FAR2: variants seen among roughly 807,000 people sequenced by gnomAD.
FAR2 encodes the protein epididymis secretory protein Li 81.
FAR2 carries 19 observed loss-of-function variants against 56.0 expected under a neutral mutation model. The observed-to-expected ratio is 0.34, with a 90% CI of 0.24 to 0.50. The LOEUF is 0.50. Ranked by LOEUF, FAR2 falls within the 20% of genes least tolerant of loss-of-function variation. The probability of loss-of-function intolerance (pLI) is 0.98; values close to 1 mark genes in which losing one functional copy is unlikely to be tolerated. For missense variants in FAR2, 508 were observed against 642.2 expected (o/e 0.79, Z 2.26); for synonymous variants, 219 against 218.8 (o/e 1.00, Z -0.01).
chr12:29,288,986 G>C (rs540697324), intron 2 of FAR2, among the ~76,000 whole-genome samples: 1 of 152,110 alleles, frequency 6.6e-6, no homozygotes, highest in Non-Finnish European at 1.5e-5. Flanking sequence ...GACCAGAGAA[G>C]TGAAAGATCT....
At chr12:29,177,592 G>T (rs1190559960) in intron 1 of FAR2, among the ~76,000 whole-genome samples, 4 of 151,988 alleles carry the variant, frequency 2.6e-5, no homozygotes, top group Admixed American at 6.6e-5. Context: ...ACTTGCAAAT[G>T]ATAAAAATGG....
At chr12:29,312,877 T>C (rs1021025056) in intron 8 of FAR2, among the ~76,000 whole-genome samples, 1 of 152,150 alleles carries the variant, frequency 6.6e-6, no homozygotes, top group Non-Finnish European at 1.5e-5. Context: ...CTAGACACTG[T>C]GGCTCATTTT....
intron 4 of FAR2, among the ~76,000 whole-genome samples, chr12:29,299,428 A>G (rs966622991): frequency 2.0e-5 from 3 of 152,240 alleles, no homozygotes; most frequent in South Asian, 4.1e-4. Flanking sequence ...TCCCTCAAGT[A>G]TATGTCAACC....
chr12:29,234,303 TTC>T (rs886811169), intron 1 of FAR2, among the ~76,000 whole-genome samples: 4 of 152,104 alleles, frequency 2.6e-5, no homozygotes, highest in South Asian at 2.1e-4. Flanking sequence ...GACCCGATAG[TTC>T]TCTTTTTTCC....
At chr12:29,157,111 TA>T (rs1949735101) in intron 1 of FAR2, 1 of 91,052 alleles carries the variant, frequency 1.1e-5, no homozygotes, top group African/African-American at 4.9e-5. Context: ...ACATTTTATA[TA>T]TATATATATA....
chr12:29,181,519 T>A (rs1213211789), intron 1 of FAR2, among the ~76,000 whole-genome samples: 4 of 152,138 alleles, frequency 2.6e-5, no homozygotes, highest in African/African-American at 9.7e-5. Context: ...TCAGTGCCTC[T>A]CCTCCACTCC....
intron 1 of FAR2, among the ~76,000 whole-genome samples, chr12:29,262,573 T>A (rs1466842621): frequency 2.0e-5 from 3 of 152,156 alleles, no homozygotes; most frequent in Admixed American, 2.0e-4. Context: ...GAGGTTGTGG[T>A]GAGCCAAGAT....
At chr12:29,292,122 TTGTC>T (rs913229101) in intron 2 of FAR2, 2 of 152,086 alleles carry the variant, frequency 1.3e-5, no homozygotes, top group African/African-American at 4.8e-5. Context: ...GTTGCACAGG[TTGTC>T]TGAAAGTATA....
intron 1 of FAR2, among the ~76,000 whole-genome samples, chr12:29,253,286 T>TATCTAGATAGATATCTATATATCG (rs1565489445): frequency 1.7e-3 from 138 of 80,388 alleles, no homozygotes; most frequent in Middle Eastern, 4.9e-3. Context: ...TATCGATATC[T>TATCTAGATAGATATCTATATATCG]ATATCTATCT....
At chr12:29,191,526 C>T (rs1038570227) in intron 1 of FAR2, among the ~76,000 whole-genome samples, 2 of 152,128 alleles carry the variant, frequency 1.3e-5, no homozygotes, top group Non-Finnish European at 2.9e-5. Context: ...TTTGAAACAC[C>T]GATGTGTGTA....
chr12:29,296,339 C>G (rs1460536516), intron 3 of FAR2, among the ~76,000 whole-genome samples: 2 of 152,122 alleles, frequency 1.3e-5, no homozygotes, highest in East Asian at 1.9e-4. Context: ...TTCACCAGTT[C>G]TAGTGAATTT....
At chr12:29,274,239 T>C (rs1028573292) in intron 2 of FAR2, among the ~76,000 whole-genome samples, 5 of 126,692 alleles carry the variant, frequency 3.9e-5, no homozygotes, top group Non-Finnish European at 6.3e-5. Context: ...TTCCCCTTCC[T>C]GTGTCCATGT....
chr12:29,219,349 C>T lies in FAR2; in HGVS notation c.-38-51063C>T, dbSNP rs1947658816. Among the ~76,000 whole-genome samples the T allele has an allele frequency of 2.6e-5, 4 of 152,132 alleles. No homozygotes were observed. The South Asian group carries it at 8.3e-4, about 32-fold the overall frequency. ...TGCTGGGATTGTAAATTGCTATAAT[C>T]TCTCTTGGGGAAAAGAATACCTGAA... On this transcript the variant is annotated intron_variant, in intron 1 of 11. Coordinates refer to ENST00000536681, the MANE Select transcript of FAR2 (RefSeq NM_001271783.2).
chr12:29,239,377 T>C (rs554500869), intron 1 of FAR2, among the ~76,000 whole-genome samples: 16 of 151,992 alleles, frequency 1.1e-4, no homozygotes, highest in Non-Finnish European at 2.4e-4. Context: ...GCTATCAAAG[T>C]CCTGTTTTTT....
chr12:29,276,979 A>G (rs527978950), intron 2 of FAR2, among the ~76,000 whole-genome samples: 7 of 151,992 alleles, frequency 4.6e-5, no homozygotes, highest in African/African-American at 1.7e-4. Context: ...TTTTTATAAA[A>G]TATTTATTTA....
chr12:29,234,540 A>G (rs1947908165), intron 1 of FAR2, among the ~76,000 whole-genome samples: 1 of 152,162 alleles, frequency 6.6e-6, no homozygotes, highest in Admixed American at 6.6e-5. Flanking sequence ...TCTGTTATCC[A>G]GTTCCCCTGC....
At chr12:29,165,307 C>T (rs1418295462) in intron 1 of FAR2, among the ~76,000 whole-genome samples, 2 of 152,168 alleles carry the variant, frequency 1.3e-5, no homozygotes, top group Non-Finnish European at 2.9e-5. Flanking sequence ...GGATGAAATT[C>T]AGAATTACAA....
intron 1 of FAR2, among the ~76,000 whole-genome samples, chr12:29,256,482 C>T (rs1257633830): frequency 6.6e-6 from 1 of 152,234 alleles, no homozygotes; most frequent in Non-Finnish European, 1.5e-5. Context: ...AGCCTGCTGG[C>T]AGTCCTCACA....
intron 1 of FAR2, among the ~76,000 whole-genome samples, chr12:29,267,991 T>C (rs369478979): frequency 1.3e-5 from 2 of 152,326 alleles, no homozygotes; most frequent in Non-Finnish European, 1.5e-5. Context: ...GAACTTAGCA[T>C]AGAGTCTGGA....
Sources: gnomAD v4.1 joint callset for allele counts (sites outside exome capture counted in the v4.1 genomes callset) on GRCh38, gnomAD v4.1.1 for gene constraint, MANE v1.5 for transcripts, NCBI Gene and HGNC (gene_info 2026-07-23, HGNC 2026-07-21) for gene names.